The following PRKG1 variants were observed in gnomAD, a reference collection of about 807,000 sequenced individuals.
The protein encoded by PRKG1 is cGMP-dependent protein kinase 1.
PRKG1 carries 35 observed loss-of-function variants against 88.1 expected under a neutral mutation model. The ratio of observed to expected loss-of-function variants is 0.40; its 90% confidence interval spans 0.30 to 0.53. The LOEUF is 0.53. Among genes scored for constraint, PRKG1 ranks in the 20% least tolerant of loss-of-function variants. The probability of loss-of-function intolerance (pLI) is 0.59; values close to 1 mark genes in which losing one functional copy is unlikely to be tolerated. For missense variants in PRKG1, 540 were observed against 839.8 expected (o/e 0.64, Z 4.41); for synonymous variants, 303 against 292.5 (o/e 1.04, Z -0.37).
intron 2 of PRKG1, among the ~76,000 whole-genome samples, chr10:51,279,763 G>T (rs1408359663): frequency 2.0e-5 from 3 of 152,136 alleles, no homozygotes; most frequent in South Asian, 2.1e-4. Context: ...GAGCCTATGT[G>T]TGTCTCTGCA....
Position 51,038,413 on chromosome 10 carries a change from A to G in PRKG1, c.266+46769A>G, listed in dbSNP as rs573268662. ...CATTCTGTTGTGCTGTCAAATACTA[A>G]ATCTTATTCATTGTATCTAACTATA... On this transcript the variant is annotated intron_variant, in intron 1 of 17. Transcript: ENST00000401604. 5.9e-5 allele frequency among the ~76,000 whole-genome samples: 9 copies of G among 152,248 alleles called. No individual in the cohort carries two copies. The East Asian group carries it at 1.7e-3, about 29-fold the overall frequency.
intron 9 of PRKG1, among the ~76,000 whole-genome samples, chr10:52,249,889 T>C (rs1430539887): frequency 6.6e-6 from 1 of 152,116 alleles, no homozygotes; most frequent in African/African-American, 2.4e-5. Flanking sequence ...TGTTTGCACC[T>C]GAGATTTCTA....
chr10:52,127,773 G>T (rs1483668807), intron 7 of PRKG1, among the ~76,000 whole-genome samples: 1 of 152,108 alleles, frequency 6.6e-6, no homozygotes, highest in Non-Finnish European at 1.5e-5. Context: ...ATAATTATTT[G>T]CATGTATTAG....
chr10:52,225,734 T>C (rs189189024), intron 9 of PRKG1, among the ~76,000 whole-genome samples: 1 of 152,308 alleles, frequency 6.6e-6, no homozygotes, highest in Non-Finnish European at 1.5e-5. Flanking sequence ...CACCATTTGT[T>C]GAAAAGGATG....
At chr10:51,001,303 T>C (rs1842886353) in intron 1 of PRKG1, among the ~76,000 whole-genome samples, 1 of 152,244 alleles carries the variant, frequency 6.6e-6, no homozygotes, top group African/African-American at 2.4e-5. Flanking sequence ...TCTTGATTCC[T>C]GACAGTAGAT....
rs1297914423 is a variant in PRKG1, at chr10:51,602,774, GTGTGTGTA to G, written c.592+134940_592+134947del. Among the ~76,000 whole-genome samples, 209 of 69,616 alleles carry G rather than the reference GTGTGTGTA, an allele frequency of 3.0e-3. 3 individuals are homozygous for G. Among genetic ancestry groups the G allele is most frequent in the African/African-American group, 8.9e-3 (193 of 21,680 alleles). The allele number at this position is 69,616 out of a possible 152,430, so 45.7% of individuals were successfully genotyped here. On this transcript the variant is annotated intron_variant, in intron 3 of 17. Coordinates refer to ENST00000373980, the MANE Select transcript of PRKG1 (RefSeq NM_006258.4). The stretch of plus-strand genomic sequence containing the variant: ...TGTGTGTGTGTGTGTGTGTGTGTGT[GTGTGTGTA>G]TATATTCATATATATATTAATTTTC...
chr10:51,493,185 A>T (rs1312140160), intron 3 of PRKG1, among the ~76,000 whole-genome samples: 4 of 152,260 alleles, frequency 2.6e-5, no homozygotes, highest in Non-Finnish European at 5.9e-5. Flanking sequence ...AAATCATTTA[A>T]TTGCTGTTTT....
At chr10:52,265,087 C>A (rs569238435) in intron 10 of PRKG1, among the ~76,000 whole-genome samples, 11 of 152,090 alleles carry the variant, frequency 7.2e-5, no homozygotes, top group African/African-American at 2.6e-4. Flanking sequence ...GTATAGAATT[C>A]TCTAGCTGGA....
intron 3 of PRKG1, among the ~76,000 whole-genome samples, chr10:51,772,545 G>A (rs1838329839): frequency 6.6e-6 from 1 of 151,864 alleles, no homozygotes; most frequent in Admixed American, 6.6e-5. Context: ...TGAAAGTCTG[G>A]TAAATTATGC....
At chr10:51,572,684 TTTTG>T (rs762390743) in intron 3 of PRKG1, among the ~76,000 whole-genome samples, 23 of 151,940 alleles carry the variant, frequency 1.5e-4, no homozygotes, top group Non-Finnish European at 2.2e-4. Flanking sequence ...AGCAATCTTT[TTTTG>T]TTTGTTTGTT....
At chr10:51,403,701 C>T (rs1373983467) in intron 2 of PRKG1, among the ~76,000 whole-genome samples, 1 of 152,028 alleles carries the variant, frequency 6.6e-6, no homozygotes, top group African/African-American at 2.4e-5. Flanking sequence ...ACAGAGCTCC[C>T]CACAGGGAAC....
chr10:51,989,376 C>T (rs951668647), intron 5 of PRKG1, among the ~76,000 whole-genome samples: 1 of 150,038 alleles, frequency 6.7e-6, no homozygotes, highest in African/African-American at 2.4e-5. Context: ...GAATGATTAC[C>T]CGTAATGTGG....
At chr10:52,096,428 G>C (rs986512222) in intron 7 of PRKG1, among the ~76,000 whole-genome samples, 3 of 152,142 alleles carry the variant, frequency 2.0e-5, no homozygotes, top group African/African-American at 7.2e-5. Flanking sequence ...GCAGGTTTCT[G>C]AGTTTTTGAA....
chr10:52,139,048 C>G (rs1837503308), intron 8 of PRKG1, among the ~76,000 whole-genome samples: 1 of 151,968 alleles, frequency 6.6e-6, no homozygotes, highest in Admixed American at 6.6e-5. Context: ...CCTTGACACC[C>G]AGACTGGAGC....
rs116102026 is a variant in PRKG1, at chr10:52,115,554, G to C, written c.936-18286G>C. Among the ~76,000 whole-genome samples the C allele has an allele frequency of 8.5e-3, 1,291 of 152,082 alleles. 19 individuals are homozygous for C. The highest frequency in any genetic ancestry group is 0.029 in the African/African-American group (1,207 of 41,494). On this transcript the variant is annotated intron_variant, in intron 7 of 17. Coordinates refer to ENST00000373980, the MANE Select transcript of PRKG1 (RefSeq NM_006258.4). ...TATATGCACATCAGTTCTTATCTAA[G>C]ACATCACCTCTTCCCATGGCTTTCA...
At position 51,152,697 on chromosome 10, in the gene PRKG1, A is replaced by G. The variant is rs188629575; in HGVS notation, c.312-467A>G. Among the ~76,000 whole-genome samples the G allele has an allele frequency of 1.9e-3, 296 of 151,990 alleles. 2 individuals carry two copies. The highest frequency in any genetic ancestry group is 6.9e-3 in the African/African-American group (288 of 41,488). ...AGAGGCACATAAAAAATAAGTAAACATTTTTTTCTATAATTGTGTATAGTA... is the reference window on the plus strand; with the variant it reads ...AGAGGCACATAAAAAATAAGTAAACGTTTTTTTCTATAATTGTGTATAGTA... On this transcript the variant is annotated intron_variant, in intron 1 of 17. Transcript: ENST00000373980.
intron 2 of PRKG1, among the ~76,000 whole-genome samples, chr10:51,312,683 A>ATG (rs34906561): frequency 0.29 from 44,481 of 150,810 alleles, 6,904 homozygotes; most frequent in Non-Finnish European, 0.36. Context: ...AGATGGATAT[A>ATG]TGTGTGTGTG....
At chr10:51,922,533 A>G (rs565309030) in intron 5 of PRKG1, among the ~76,000 whole-genome samples, 1 of 151,968 alleles carries the variant, frequency 6.6e-6, no homozygotes, top group East Asian at 1.9e-4. Context: ...TATTCATTCA[A>G]TGCTGTAATA....
intron 1 of PRKG1, among the ~76,000 whole-genome samples, chr10:51,055,522 A>G (rs1447692585): frequency 6.6e-6 from 1 of 152,066 alleles, no homozygotes; most frequent in East Asian, 1.9e-4. Flanking sequence ...TTTGTTTGTC[A>G]GGAGATCGAG....
Sources: allele counts gnomAD v4.1 joint callset (sites outside exome capture counted in the v4.1 genomes callset), GRCh38; gene constraint gnomAD v4.1.1; transcripts MANE v1.5; gene names NCBI Gene and HGNC (gene_info 2026-07-23, HGNC 2026-07-21).